The following ZNF200 variants were observed in gnomAD, a reference collection of about 807,000 sequenced individuals.
ZNF200 encodes zinc finger protein 200.
A neutral mutation model predicts 33.6 loss-of-function variants in ZNF200; 35 were observed. The ratio of observed to expected loss-of-function variants is 1.04; its 90% CI spans 0.80 to 1.38. The LOEUF is 1.38. ZNF200 is among the 40% of genes most tolerant of loss of function. ZNF200 has a pLI of 0.00. For synonymous variants in ZNF200, 209 were observed against 167.7 expected, an observed-to-expected ratio of 1.25 and a Z score of -1.90; for missense variants, 592 against 470.6, an observed-to-expected ratio of 1.26 and a Z score of -2.39.
At chr16:3,229,670 C>G (rs1596338692) in intron 4 of ZNF200, among the ~76,000 whole-genome samples, 1 of 152,046 alleles carries the variant, frequency 6.6e-6, no homozygotes, top group East Asian at 1.9e-4. Flanking sequence ...TTGAGACCAT[C>G]CTGGCTAACA....
Position 3,225,048 on chromosome 16 carries a change from T to C in ZNF200, c.467-435A>G, listed in dbSNP as rs373731900. On this transcript the variant is annotated intron_variant, in intron 4 of 4. Transcript: ENST00000414144. ...TGTAGGTTTTCACTATATTAAATAT[T>C]ATCACACTATTATAGCACTAAATAA... is the stretch of plus-strand genomic sequence containing the variant. The C allele has an allele frequency of 1.5e-4, 24 of 160,696 alleles. No individual in the cohort carries two copies. In the South Asian group the frequency reaches 3.7e-3, roughly 25 times the overall value. The allele number at this position is 160,696 out of a possible 1,614,324, so 10.0% of individuals were successfully genotyped here. A position where few individuals can be genotyped will look rare whatever the true frequency, so the allele number is the denominator to read the frequency against.
chr16:3,226,705 C>T (rs1224039065), intron 4 of ZNF200: 2 of 152,194 alleles, frequency 1.3e-5, no homozygotes, highest in Non-Finnish European at 2.9e-5. Context: ...AACAATACCA[C>T]AGTGAATAAT....
intron 2 of ZNF200, 80 bp downstream of exon 2, chr16:3,233,426 T>A (rs1958698321): frequency 6.8e-7 from 1 of 1,472,614 alleles, no homozygotes; most frequent in African/African-American, 1.4e-5. Context: ...CTAACTTGAA[T>A]TTATAACTAA....
chr16:3,226,989 G>A (rs1958490690), intron 4 of ZNF200: 1 of 152,212 alleles, frequency 6.6e-6, no homozygotes. Flanking sequence ...CACGCAGGCT[G>A]GAGTGCAGTG....
chr16:3,230,807 T>C (rs1958616074), intron 4 of ZNF200, among the ~76,000 whole-genome samples: 1 of 152,236 alleles, frequency 6.6e-6, no homozygotes, highest in Non-Finnish European at 1.5e-5. Flanking sequence ...AATCTCATTT[T>C]ATTTCCCATC....
intron 4 of ZNF200, among the ~76,000 whole-genome samples, chr16:3,230,881 T>C (rs1042973820): frequency 6.6e-6 from 1 of 152,188 alleles, no homozygotes; most frequent in Non-Finnish European, 1.5e-5. Flanking sequence ...GGTCCAAATC[T>C]TACCTCAGTC....
chr16:3,230,274 G>C (rs539962208), intron 4 of ZNF200, among the ~76,000 whole-genome samples: 4 of 152,300 alleles, frequency 2.6e-5, no homozygotes, highest in Non-Finnish European at 4.4e-5. Flanking sequence ...CCCAGCCTCA[G>C]GTATTCTTTT....
At position 3,233,549 on chromosome 16, in the gene ZNF200, G is replaced by A. The variant is rs150527217; in HGVS notation, c.207C>T (p.Thr69=). 173 of 1,589,694 alleles carry A rather than the reference G, an allele frequency of 1.1e-4. No individual in the cohort carries two copies. The highest frequency in any genetic ancestry group is 1.4e-4 in the Non-Finnish European group (162 of 1,168,922). ...LVQPSQKVKE[T]LVIMKDVSSS... ...AGCTCACATCTTTCATAATAACCAA[G>A]GTCTCCTTGACTTTCTGACTGGGCT... Residue 69 remains threonine (T), a synonymous_variant, in exon 2 of 5, where the codon ACC becomes ACT. Transcript: ENST00000414144.
In ZNF200 at chr16:3,223,744, T is replaced by C; in HGVS notation, c.*148A>G. The C allele has an allele frequency of 8.0e-7, 1 of 1,247,246 alleles. No individual in the cohort carries two copies. The highest frequency in any genetic ancestry group is 1.6e-5 in the South Asian group (1 of 62,996). The allele number at this position is 1,247,246 out of a possible 1,614,324, so 77.3% of individuals were successfully genotyped here. A position where few individuals can be genotyped will look rare whatever the true frequency, so the allele number is the denominator to read the frequency against. On this transcript the variant is annotated 3_prime_UTR_variant, in exon 5 of 5. Transcript: ENST00000414144. Reference sequence around the variant, plus strand: ...CTGTGAATTTTCTAGCAATTTGAGGTTTTAGCTAAGATGGGCATTTATCCA... The same window carrying C: ...CTGTGAATTTTCTAGCAATTTGAGGCTTTAGCTAAGATGGGCATTTATCCA...
chr16:3,226,190 C>T (rs1294603961), intron 4 of ZNF200: 1 of 151,450 alleles, frequency 6.6e-6, no homozygotes, highest in African/African-American at 2.4e-5. Flanking sequence ...GTAGCTGGGA[C>T]TACAGACGTC....
chr16:3,222,893 C>CT lies in ZNF200; in HGVS notation c.*998dup, dbSNP rs1958364957. On this transcript the variant is annotated 3_prime_UTR_variant, in exon 5 of 5. Coordinates refer to ENST00000414144, the MANE Select transcript of ZNF200 (RefSeq NM_198088.3). Reference sequence around the variant, plus strand: ...AGACGTAATTTCTAATCATACAACACTTTGCCTTGTGAGGTAGTGACCACC... The same window carrying CT: ...AGACGTAATTTCTAATCATACAACACTTTTGCCTTGTGAGGTAGTGACCACC... 1 of 152,220 alleles carries CT rather than the reference C, an allele frequency of 6.6e-6. No homozygotes were observed. Among genetic ancestry groups the CT allele is most frequent in the South Asian group, 2.1e-4 (1 of 4,834 alleles). The allele number at this position is 152,220 out of a possible 1,614,324, so 9.4% of individuals were successfully genotyped here.
chr16:3,228,165 A>G (rs2141626906), intron 4 of ZNF200, among the ~76,000 whole-genome samples: 1 of 152,182 alleles, frequency 6.6e-6, no homozygotes, highest in South Asian at 2.1e-4. Context: ...TTCTATTCTA[A>G]TGGGGCCTTC....
chr16:3,222,606 C>G lies in ZNF200; in HGVS notation c.*1286G>C, dbSNP rs1296113155. The G allele has an allele frequency of 1.3e-5, 2 of 152,160 alleles. No homozygotes were observed. The highest frequency in any genetic ancestry group is 4.8e-5 in the African/African-American group (2 of 41,440). The allele number at this position is 152,160 out of a possible 1,614,324, so 9.4% of individuals were successfully genotyped here. A position where few individuals can be genotyped will look rare whatever the true frequency, so the allele number is the denominator to read the frequency against. ...CATGTTTCTGGATGGGAAACATACA[C>G]TATAATTTTTCCCAAATAGCTTATA... On this transcript the variant is annotated 3_prime_UTR_variant, in exon 5 of 5. Coordinates refer to ENST00000414144, the MANE Select transcript of ZNF200 (RefSeq NM_198088.3).
rs1567216501 is a variant in ZNF200 at position 3,224,381 on chromosome 16, T to G, written c.699A>C (p.Lys233Asn). 2 of 1,614,248 alleles carry G rather than the reference T, an allele frequency of 1.2e-6. No homozygotes were observed. Among genetic ancestry groups the G allele is most frequent in the Non-Finnish European group, 1.7e-6 (2 of 1,180,046 alleles). The change falls in exon 5 of 5, where the codon AAA becomes AAC. Residue 233 changes from lysine (K) to asparagine (N), a missense_variant. Coordinates refer to ENST00000414144, the MANE Select transcript of ZNF200 (RefSeq NM_198088.3). Reference sequence around the variant, plus strand: ...GGGCAATAATACTGATGTCTACATATTTTGAGAGTTCCTCTAGAGGAGTAT... The same window carrying G: ...GGGCAATAATACTGATGTCTACATAGTTTGAGAGTTCCTCTAGAGGAGTAT... ...ENDTPLEELS[K>N]YVDISIIALT...
intron 2 of ZNF200, 83 bp downstream of exon 2, chr16:3,233,423 G>A (rs1232569694): frequency 2.0e-6 from 3 of 1,467,722 alleles, no homozygotes; most frequent in Non-Finnish European, 2.7e-6. Context: ...ATCCTAACTT[G>A]AATTTATAAC....
intron 4 of ZNF200, among the ~76,000 whole-genome samples, chr16:3,228,690 T>C (rs1455008756): frequency 6.6e-6 from 1 of 151,776 alleles, no homozygotes; most frequent in Non-Finnish European, 1.5e-5. Context: ...TTAGTAGAGA[T>C]GGGGTTTTGC....
chr16:3,232,560 G>A lies in ZNF200; in HGVS notation c.340-13C>T, dbSNP rs777250849. On this transcript the variant is annotated splice_polypyrimidine_tract_variant and intron_variant, in intron 3 of 4. Coordinates refer to ENST00000414144, the MANE Select transcript of ZNF200 (RefSeq NM_198088.3). Reference sequence around the variant, plus strand: ...AGACCACCAGCTCCTGAAAGAGCAAGAGGCCCCTTTCATCTTAGTAACTGA... The same window carrying A: ...AGACCACCAGCTCCTGAAAGAGCAAAAGGCCCCTTTCATCTTAGTAACTGA... 8.7e-6 allele frequency: 14 copies of A among 1,612,582 alleles called. No homozygotes were observed. Among genetic ancestry groups the A allele is most frequent in the Non-Finnish European group, 1.1e-5 (13 of 1,179,808 alleles).
chr16:3,233,807 T>G lies in ZNF200; in HGVS notation c.-52A>C. Reference sequence around the variant, plus strand: ...TTCGCGGGGCCTCCAGAGCCACCTCTTACTAGAGGAAATCTGCCAGAGAGC... The same window carrying G: ...TTCGCGGGGCCTCCAGAGCCACCTCGTACTAGAGGAAATCTGCCAGAGAGC... On this transcript the variant is annotated 5_prime_UTR_variant, in exon 2 of 5. Transcript: ENST00000414144. 6.5e-7 allele frequency: 1 copy of G among 1,540,980 alleles called. No individual in the cohort carries two copies. The highest frequency in any genetic ancestry group is 8.7e-7 in the Non-Finnish European group (1 of 1,144,426).
At position 3,222,544 on chromosome 16, in the gene ZNF200, T is replaced by A. The variant is rs899101182; in HGVS notation, c.*1348A>T. 6 of 151,572 alleles carry A rather than the reference T, an allele frequency of 4.0e-5. No homozygotes were observed. Among genetic ancestry groups the A allele is most frequent in the African/African-American group, 1.2e-4 (5 of 41,214 alleles). 9.4% of individuals were successfully genotyped at this position (151,572 alleles called of 1,614,324 possible). On this transcript the variant is annotated 3_prime_UTR_variant, in exon 5 of 5. Transcript: ENST00000414144. ...AAACAAGTGAAGAAAATTAGAAAAA[T>A]TTTCACAGGAATATAATACTCTAAT...
Sources: gnomAD v4.1 joint callset for allele counts (sites outside exome capture counted in the v4.1 genomes callset) on GRCh38, gnomAD v4.1.1 for gene constraint, MANE v1.5 for transcripts, NCBI Gene and HGNC (gene_info 2026-07-23, HGNC 2026-07-21) for gene names.